Variants in CADM2 observed in about 807,000 individuals in gnomAD.
The protein encoded by CADM2 is immunoglobulin superfamily member 4D.
CADM2 carries 12 observed loss-of-function variants against 49.8 expected under a neutral mutation model. That is an observed-to-expected ratio of 0.24 (90% CI 0.15 to 0.39). The LOEUF (loss-of-function observed/expected upper bound fraction) is 0.39, where lower values mean the gene tolerates loss of function less well. Ranked by LOEUF, CADM2 falls within the 10% of genes least tolerant of loss-of-function variation. The probability of loss-of-function intolerance (pLI) is 1.00; values close to 1 mark genes in which losing one functional copy is unlikely to be tolerated. For synonymous variants in CADM2, 214 were observed against 175.4 expected (o/e 1.22, Z -1.74); for missense variants, 378 against 492.3 (o/e 0.77, Z 2.20).
At chr3:85,135,053 A>C (rs146432837) in intron 1 of CADM2, among the ~76,000 whole-genome samples, 62 of 152,096 alleles carry the variant, frequency 4.1e-4, no homozygotes, top group Admixed American at 2.0e-4. Context: ...AATGTCTCTG[A>C]TAAAAATTAT....
intron 3 of CADM2, among the ~76,000 whole-genome samples, chr3:85,866,139 AAAT>A (rs1030375304): frequency 6.6e-6 from 1 of 152,070 alleles, no homozygotes; most frequent in Non-Finnish European, 1.5e-5. Context: ...CCATCTTAAA[AAAT>A]AATAATAATA....
At chr3:85,536,484 A>C (rs1400257302) in intron 1 of CADM2, among the ~76,000 whole-genome samples, 1 of 151,378 alleles carries the variant, frequency 6.6e-6, no homozygotes, top group Non-Finnish European at 1.5e-5. Context: ...TCTTTGTTTT[A>C]AATAAAAAAT....
chr3:85,707,751 T>A (rs1026238647), intron 1 of CADM2, among the ~76,000 whole-genome samples: 1 of 152,132 alleles, frequency 6.6e-6, no homozygotes, highest in Non-Finnish European at 1.5e-5. Context: ...ATCAGTATGA[T>A]TTGCCTTTTT....
intron 3 of CADM2, among the ~76,000 whole-genome samples, chr3:85,842,749 GTCTT>G (rs1479470751): frequency 1.3e-5 from 2 of 151,922 alleles, no homozygotes; most frequent in Admixed American, 6.6e-5. Context: ...TTAGTCTTAT[GTCTT>G]TCTTTCAGTT....
chr3:85,676,756 AC>A (rs747285316), intron 1 of CADM2, among the ~76,000 whole-genome samples: 21 of 152,062 alleles, frequency 1.4e-4, no homozygotes, highest in Non-Finnish European at 2.2e-4. Flanking sequence ...CTTTTTGTAT[AC>A]AAGCATCTTA....
At chr3:85,541,287 C>T (rs1358841075) in intron 1 of CADM2, among the ~76,000 whole-genome samples, 1 of 151,262 alleles carries the variant, frequency 6.6e-6, no homozygotes, top group African/African-American at 2.4e-5. Context: ...CACATATACA[C>T]ACATGCATAC....
At chr3:85,118,086 T>C (rs887703113) in intron 1 of CADM2, among the ~76,000 whole-genome samples, 13 of 152,072 alleles carry the variant, frequency 8.5e-5, no homozygotes, top group African/African-American at 1.4e-4. Context: ...TTTTAAACTT[T>C]TAATATTTTG....
chr3:85,691,676 G>A (rs961059593), intron 1 of CADM2, among the ~76,000 whole-genome samples: 4 of 152,024 alleles, frequency 2.6e-5, no homozygotes, highest in African/African-American at 7.3e-5. Context: ...ACATGCACAC[G>A]TATGTTTATT....
intron 8 of CADM2, among the ~76,000 whole-genome samples, chr3:86,042,391 G>A (rs1220410531): frequency 6.6e-6 from 1 of 152,096 alleles, no homozygotes; most frequent in African/African-American, 2.4e-5. Context: ...AAATGATAAA[G>A]GGGATATCAC....
rs114831029 is a variant in CADM2 at position 85,443,103 on chromosome 3, T to G, written c.62-283419T>G. Among the ~76,000 whole-genome samples the G allele has an allele frequency of 6.5e-3, 996 of 152,178 alleles. 11 individuals carry two copies. The highest frequency in any genetic ancestry group is 0.021 in the African/African-American group (853 of 41,534). On this transcript the variant is annotated intron_variant, in intron 1 of 9. Transcript: ENST00000383699. ...CACTTAATTGTTTCACAAGTTACATTAAAATAAACGGGTTGATTTCAGAGC... is the reference window on the plus strand; with the variant it reads ...CACTTAATTGTTTCACAAGTTACATGAAAATAAACGGGTTGATTTCAGAGC...
At chr3:85,388,838 A>T (rs1239997345) in intron 1 of CADM2, among the ~76,000 whole-genome samples, 1 of 152,124 alleles carries the variant, frequency 6.6e-6, no homozygotes, top group Non-Finnish European at 1.5e-5. Context: ...TTTGAAAGGT[A>T]TGAAGTAATT....
intron 1 of CADM2, among the ~76,000 whole-genome samples, chr3:85,297,501 A>G (rs2043995213): frequency 6.6e-6 from 1 of 152,028 alleles, no homozygotes; most frequent in African/African-American, 2.4e-5. Flanking sequence ...AGTGCCTGTA[A>G]TAAGATAGGA....
At chr3:86,035,046 C>A (rs1251296208) in intron 8 of CADM2, among the ~76,000 whole-genome samples, 2 of 152,106 alleles carry the variant, frequency 1.3e-5, no homozygotes, top group East Asian at 3.9e-4. Context: ...ACAGAATAGT[C>A]TTTAGATTGC....
chr3:85,212,523 A>G (rs2041803540), intron 1 of CADM2, among the ~76,000 whole-genome samples: 1 of 152,190 alleles, frequency 6.6e-6, no homozygotes, highest in South Asian at 2.1e-4. Context: ...TCAGCTTAAC[A>G]ATAATTGAAT....
intron 8 of CADM2, among the ~76,000 whole-genome samples, chr3:86,026,998 A>G (rs1733974569): frequency 6.6e-6 from 1 of 152,196 alleles, no homozygotes; most frequent in Non-Finnish European, 1.5e-5. Context: ...ATTATTTTCA[A>G]AAGGATATTA....
chr3:85,216,236 T>C (rs2041921450), intron 1 of CADM2, among the ~76,000 whole-genome samples: 1 of 149,506 alleles, frequency 6.7e-6, no homozygotes, highest in Admixed American at 6.7e-5. Flanking sequence ...AAATTATTTT[T>C]GGAGCTATAG....
At chr3:85,129,099 T>A (rs900938488) in intron 1 of CADM2, among the ~76,000 whole-genome samples, 1 of 152,160 alleles carries the variant, frequency 6.6e-6, no homozygotes, top group Non-Finnish European at 1.5e-5. Context: ...ATTGCAGTCG[T>A]GGCACTGAAA....
intron 1 of CADM2, among the ~76,000 whole-genome samples, chr3:85,229,514 C>A (rs1489783304): frequency 6.6e-6 from 1 of 152,192 alleles, no homozygotes; most frequent in African/African-American, 2.4e-5. Context: ...GTTGGAAATG[C>A]AGAAATCACC....
Position 85,935,814 on chromosome 3 carries a change from G to A in CADM2, c.748G>A (p.Gly250Arg). Reference protein sequence around the residue: ...IIPSTPFPQEGQPLILTCESK... With the variant: ...IIPSTPFPQERQPLILTCESK... Reference sequence around the variant, plus strand: ...ACCATCGACTCCTTTTCCACAAGAAGGACAGCCTTTAATTTTGACTTGTGA... The same window carrying A: ...ACCATCGACTCCTTTTCCACAAGAAAGACAGCCTTTAATTTTGACTTGTGA... The change falls in exon 7 of 10, where the codon GGA becomes AGA. Residue 250 changes from glycine to arginine, a missense_variant. Coordinates refer to ENST00000383699, the MANE Select transcript of CADM2 (RefSeq NM_001167675.2). 1 of 1,606,792 alleles carries A rather than the reference G, an allele frequency of 6.2e-7. No homozygotes were observed.
Sources: allele counts gnomAD v4.1 joint callset (sites outside exome capture counted in the v4.1 genomes callset), GRCh38; gene constraint gnomAD v4.1.1; transcripts MANE v1.5; gene names NCBI Gene and HGNC (gene_info 2026-07-23, HGNC 2026-07-21).